Variants in CCDC73 observed in about 807,000 individuals in gnomAD.
CCDC73 encodes coiled-coil domain containing 73.
Under a neutral mutation model 116.5 loss-of-function variants are expected in CCDC73, and 95 were observed. That is an observed-to-expected ratio of 0.82 (90% confidence interval 0.69 to 0.97). CCDC73 has a LOEUF of 0.97. Among genes scored for constraint, CCDC73 ranks in the 50% least tolerant of loss-of-function variants. The probability of loss-of-function intolerance (pLI) is 0.00; values close to 1 mark genes in which losing one functional copy is unlikely to be tolerated. For synonymous variants in CCDC73, 398 were observed against 401.3 expected (o/e 0.99, Z 0.10); for missense variants, 1,066 against 1,206.8 (o/e 0.88, Z 1.73).
intron 5 of CCDC73, among the ~76,000 whole-genome samples, 153 bp from the exon 6 acceptor site, chr11:32,699,478 A>G (rs1254189806): frequency 6.6e-6 from 1 of 152,226 alleles, no homozygotes; most frequent in African/African-American, 2.4e-5. Flanking sequence ...TAAGAGCTCA[A>G]GAACCAAAAT....
chr11:32,704,746 T>C (rs530416604), intron 3 of CCDC73, among the ~76,000 whole-genome samples: 2 of 152,284 alleles, frequency 1.3e-5, no homozygotes, highest in East Asian at 3.9e-4. Context: ...CAAGTGGTAT[T>C]TTCTGGGCCC....
At position 32,760,249 on chromosome 11, in the gene CCDC73, T is replaced by C. The variant is rs1194839829; in HGVS notation, c.-6A>G. On this transcript the variant is annotated 5_prime_UTR_variant, in exon 2 of 18. The change creates a new upstream start codon in the 5' untranslated region. Transcript: ENST00000335185. ...GTATTGAAGTTGCTTTCCATATTAA[T>C]ATTTATTTCCTGTAATGTAAAAAGG... is the stretch of plus-strand genomic sequence containing the variant. 1 of 1,531,380 alleles carries C rather than the reference T, an allele frequency of 6.5e-7. No homozygotes were observed. The highest frequency in any genetic ancestry group is 2.3e-5 in the East Asian group (1 of 44,092). The allele number at this position is 1,531,380 out of a possible 1,614,324, so 94.9% of individuals were successfully genotyped here. A position where few individuals can be genotyped will look rare whatever the true frequency, so the allele number is the denominator to read the frequency against.
chr11:32,620,828 C>A (rs911298782), intron 14 of CCDC73, among the ~76,000 whole-genome samples: 1 of 151,764 alleles, frequency 6.6e-6, no homozygotes, highest in African/African-American at 2.4e-5. Flanking sequence ...AACAAAAATG[C>A]CATAAAGACA....
In CCDC73 at chr11:32,683,487, C is replaced by T. The variant is rs778811715; in HGVS notation, c.429+49G>A. 6 of 1,204,556 alleles carry T rather than the reference C, an allele frequency of 5.0e-6. No individual in the cohort carries two copies. The South Asian group carries it at 6.0e-5, about 12-fold the overall frequency. 74.6% of individuals were successfully genotyped at this position (1,204,556 alleles called of 1,614,324 possible). Reference sequence around the variant, plus strand: ...TTTTATTCCCAAAAACACCAATCCCCCTAAGTACTAATCCAGATGGGGGAA... The same window carrying T: ...TTTTATTCCCAAAAACACCAATCCCTCTAAGTACTAATCCAGATGGGGGAA... On this transcript the variant is annotated intron_variant, in intron 7 of 17. Coordinates refer to ENST00000335185, the MANE Select transcript of CCDC73 (RefSeq NM_001008391.4).
At chr11:32,607,059 A>G (rs1382729210) in intron 17 of CCDC73, among the ~76,000 whole-genome samples, 1 of 135,764 alleles carries the variant, frequency 7.4e-6, no homozygotes, top group Admixed American at 7.7e-5. Context: ...GCTTGAGCCC[A>G]CCACGCCCAG....
At chr11:32,747,911 C>T (rs117745008) in intron 2 of CCDC73, among the ~76,000 whole-genome samples, 51 of 152,324 alleles carry the variant, frequency 3.3e-4, no homozygotes, top group African/African-American at 1.0e-3. Flanking sequence ...CTGGGTGAGG[C>T]GACACCCCGC....
chr11:32,822,348 G>A, the CCDC73 span, among the ~76,000 whole-genome samples: 28 of 152,184 alleles, frequency 1.8e-4, no homozygotes, highest in African/African-American at 6.0e-4. Flanking sequence ...AGGTTTATCT[G>A]TAGCATGTTG....
chr11:32,620,469 G>A (rs1255916565), intron 14 of CCDC73, among the ~76,000 whole-genome samples: 1 of 151,946 alleles, frequency 6.6e-6, no homozygotes, highest in Non-Finnish European at 1.5e-5. Context: ...AAATTAGCCA[G>A]GCGTGGTGGC....
intron 9 of CCDC73, among the ~76,000 whole-genome samples, chr11:32,667,070 C>T (rs1382932488): frequency 6.6e-6 from 1 of 152,214 alleles, no homozygotes; most frequent in Non-Finnish European, 1.5e-5. Flanking sequence ...TCAGTCTGCC[C>T]CTACTGGGGT....
chr11:32,714,820 G>T (rs1509885), intron 3 of CCDC73, among the ~76,000 whole-genome samples: 89,623 of 151,826 alleles, frequency 0.59, 26,749 homozygotes, highest in East Asian at 0.84. Flanking sequence ...TTTTTAATGG[G>T]TTAAAAAGAA....
chr11:32,733,734 A>G lies in CCDC73; in HGVS notation c.136-15587T>C, dbSNP rs549593091. Among the ~76,000 whole-genome samples, 9 of 152,320 alleles carry G rather than the reference A, an allele frequency of 5.9e-5. No homozygotes were observed. The East Asian group carries it at 1.4e-3, about 23-fold the overall frequency. On this transcript the variant is annotated intron_variant, in intron 2 of 17. Coordinates refer to ENST00000335185, the MANE Select transcript of CCDC73 (RefSeq NM_001008391.4). The stretch of plus-strand genomic sequence containing the variant: ...CTTTGAAACCAACGAGAACAAAGAC[A>G]CAACATACCAGAATCTCTGGGACAC...
chr11:32,708,838 A>G (rs1241044159), intron 3 of CCDC73, among the ~76,000 whole-genome samples: 1 of 152,184 alleles, frequency 6.6e-6, no homozygotes, highest in East Asian at 1.9e-4. Flanking sequence ...TTCTAGATAT[A>G]TGATCATACT....
intron 6 of CCDC73, among the ~76,000 whole-genome samples, chr11:32,690,966 T>C (rs1290494536): frequency 2.0e-5 from 3 of 152,126 alleles, no homozygotes; most frequent in Non-Finnish European, 2.9e-5. Flanking sequence ...CATTAGACTA[T>C]CATACAGAGT....
chr11:32,641,299 T>C (rs1855730873), intron 13 of CCDC73, among the ~76,000 whole-genome samples: 1 of 152,142 alleles, frequency 6.6e-6, no homozygotes, highest in African/African-American at 2.4e-5. Flanking sequence ...AAATTGATAT[T>C]AGCATAGAAT....
chr11:32,812,990 A>T, the CCDC73 span, among the ~76,000 whole-genome samples: 5 of 152,198 alleles, frequency 3.3e-5, no homozygotes, highest in African/African-American at 9.7e-5. Flanking sequence ...GAATAATAAC[A>T]TTTAGCATGT....
intron 2 of CCDC73, among the ~76,000 whole-genome samples, chr11:32,734,208 C>T (rs1419002789): frequency 2.6e-5 from 4 of 152,110 alleles, no homozygotes; most frequent in Non-Finnish European, 4.4e-5. Flanking sequence ...TACACCCTCC[C>T]AAGACTAAAC....
chr11:32,766,287 C>T (rs578244850), intron 1 of CCDC73, among the ~76,000 whole-genome samples: 7 of 152,160 alleles, frequency 4.6e-5, no homozygotes, highest in South Asian at 2.1e-4. Context: ...TCAATAAATT[C>T]GGTATTGATG....
At chr11:32,733,960 C>T (rs893977262) in intron 2 of CCDC73, among the ~76,000 whole-genome samples, 1 of 151,918 alleles carries the variant, frequency 6.6e-6, no homozygotes, top group Non-Finnish European at 1.5e-5. Context: ...AAAAACTCTT[C>T]AAAAAAATCA....
chr11:32,641,014 C>T (rs1323784324), intron 13 of CCDC73, among the ~76,000 whole-genome samples: 1 of 102,948 alleles, frequency 9.7e-6, no homozygotes, highest in Non-Finnish European at 2.0e-5. Flanking sequence ...AGACTCTGTC[C>T]CCCACCAAAA....
Sources: allele counts gnomAD v4.1 joint callset (sites outside exome capture counted in the v4.1 genomes callset), GRCh38; gene constraint gnomAD v4.1.1; transcripts MANE v1.5; gene names NCBI Gene and HGNC (gene_info 2026-07-23, HGNC 2026-07-21).